KIAA0319L: variants seen among roughly 807,000 people sequenced by gnomAD.
KIAA0319L encodes the protein KIAA0319 like.
A neutral mutation model predicts 120.1 loss-of-function variants in KIAA0319L; 55 were observed. The observed-to-expected ratio is 0.46, with a 90% CI of 0.37 to 0.57. The LOEUF is 0.57. Among genes scored for constraint, KIAA0319L ranks in the 20% least tolerant of loss-of-function variants. The pLI is 0.00. For missense variants in KIAA0319L, 1,049 were observed against 1,255.3 expected (o/e 0.84, Z 2.48); for synonymous variants, 398 against 471.9 (o/e 0.84, Z 2.03).
intron 3 of KIAA0319L, among the ~76,000 whole-genome samples, chr1:35,481,903 C>A (rs1312253506): frequency 7.2e-6 from 1 of 139,518 alleles, no homozygotes; most frequent in Admixed American, 7.8e-5. Context: ...CGGCTCACTG[C>A]AAGCTCCACC....
At chr1:35,464,996 A>C (rs1643156280) in intron 7 of KIAA0319L, among the ~76,000 whole-genome samples, 1 of 152,232 alleles carries the variant, frequency 6.6e-6, no homozygotes, top group Non-Finnish European at 1.5e-5. Flanking sequence ...GTATGTATGG[A>C]AACACCTGGA....
intron 10 of KIAA0319L, 101 bp from the exon 11 acceptor site, chr1:35,454,586 C>T (rs890710069): frequency 6.5e-7 from 1 of 1,530,788 alleles, no homozygotes; most frequent in Non-Finnish European, 8.8e-7. Flanking sequence ...AAACCAAAGA[C>T]CTAAGATGGT....
At chr1:35,472,860 C>T (rs1643709074) in intron 5 of KIAA0319L, among the ~76,000 whole-genome samples, 1 of 150,478 alleles carries the variant, frequency 6.6e-6, no homozygotes, top group Non-Finnish European at 1.5e-5. Context: ...ATAATCTTGG[C>T]TCACTGCAAC....
In KIAA0319L at chr1:35,456,123, G is replaced by A; in HGVS notation, c.1546C>T (p.Pro516Ser). 6.2e-7 allele frequency: 1 copy of A among 1,614,022 alleles called. No individual in the cohort carries two copies. The highest frequency in any genetic ancestry group is 1.7e-5 in the Admixed American group (1 of 60,006). ...CCAAAGAGGGTGATGGAGTTTTGGG[G>A]CAGGGTGATCACTTGGTTGGGGCCT... Reference protein sequence around the residue: ...NAGPNQVITLPQNSITLFGNQ... With the variant: ...NAGPNQVITLSQNSITLFGNQ... The change falls in exon 10 of 21, where the codon CCC becomes TCC. Residue 516 changes from proline (P) to serine (S), a missense_variant. Physicochemically the swap from Pro to Ser is moderately conservative, Grantham distance 74. Coordinates refer to ENST00000325722, the MANE Select transcript of KIAA0319L (RefSeq NM_024874.5).
intron 1 of KIAA0319L, among the ~76,000 whole-genome samples, chr1:35,555,491 G>C (rs924702566): frequency 2.0e-5 from 3 of 152,176 alleles, no homozygotes; most frequent in African/African-American, 4.8e-5. Flanking sequence ...CCAAGAAAAG[G>C]CTTTTGCAGA....
At chr1:35,555,329 T>C (rs1265065902) in intron 1 of KIAA0319L, among the ~76,000 whole-genome samples, 1 of 152,184 alleles carries the variant, frequency 6.6e-6, no homozygotes, top group Non-Finnish European at 1.5e-5. Flanking sequence ...GTCATCTACA[T>C]CCAGCAAACG....
intron 2 of KIAA0319L, among the ~76,000 whole-genome samples, chr1:35,535,096 TAAAA>T (rs56965473): frequency 1.8e-5 from 1 of 56,330 alleles, no homozygotes; most frequent in Non-Finnish European, 4.1e-5. Context: ...GACTCCGTCT[TAAAA>T]AAAAAAAAAA....
intron 5 of KIAA0319L, among the ~76,000 whole-genome samples, chr1:35,472,045 G>A (rs1358661428): frequency 1.3e-5 from 2 of 152,312 alleles, no homozygotes; most frequent in Admixed American, 6.5e-5. Flanking sequence ...TGTACTCAGA[G>A]ACATTTCTTC....
At chr1:35,456,774 G>A (rs538813318) in intron 9 of KIAA0319L, among the ~76,000 whole-genome samples, 293 of 150,888 alleles carry the variant, frequency 1.9e-3, no homozygotes, top group Admixed American at 7.4e-3. Context: ...TTGCACCACT[G>A]CACTCCAGCC....
chr1:35,442,100 C>A (rs940110734), intron 19 of KIAA0319L, 146 bp downstream of exon 19: 2 of 676,620 alleles, frequency 3.0e-6, no homozygotes, highest in East Asian at 2.6e-5. Context: ...CAAAGCTGCC[C>A]GTGCATGCCT....
At chr1:35,511,373 T>C (rs1031879232) in intron 2 of KIAA0319L, 2 of 152,282 alleles carry the variant, frequency 1.3e-5, no homozygotes, top group Admixed American at 1.3e-4. Flanking sequence ...ATCTTATGAA[T>C]GTAATGAATG....
chr1:35,469,914 G>C (rs1402754096), intron 6 of KIAA0319L, among the ~76,000 whole-genome samples: 1 of 151,936 alleles, frequency 6.6e-6, no homozygotes, highest in African/African-American at 2.4e-5. Flanking sequence ...TGTCACCTGG[G>C]CTTTAGGGCA....
In KIAA0319L at chr1:35,468,689, GTTCATCA is replaced by G. The variant is rs371405922; in HGVS notation, c.1114-2001_1114-1995del. On this transcript the variant is annotated intron_variant, in intron 6 of 20. Coordinates refer to ENST00000325722, the MANE Select transcript of KIAA0319L (RefSeq NM_024874.5). ...TTCTCTTCCCCAACATCCCCAACCA[GTTCATCA>G]ATCATCAAATTTTATCAAGTCAAAC... 8.0e-3 allele frequency among the ~76,000 whole-genome samples: 1,223 copies of G among 152,190 alleles called. 6 individuals carry two copies. Among genetic ancestry groups the G allele is most frequent in the Middle Eastern group, 0.027 (8 of 294 alleles).
intron 2 of KIAA0319L, among the ~76,000 whole-genome samples, chr1:35,544,350 C>A: frequency 7.3e-6 from 1 of 136,350 alleles, no homozygotes; most frequent in Non-Finnish European, 1.5e-5. Flanking sequence ...GCCTAGGTGA[C>A]AGACTGAGAC....
chr1:35,490,738 T>C (rs1040004385), intron 3 of KIAA0319L, among the ~76,000 whole-genome samples: 1 of 152,258 alleles, frequency 6.6e-6, no homozygotes, highest in African/African-American at 2.4e-5. Context: ...TTTGGCTCTG[T>C]GTCCCCACCC....
chr1:35,523,667 G>C (rs1350267153), intron 2 of KIAA0319L, among the ~76,000 whole-genome samples: 1 of 152,160 alleles, frequency 6.6e-6, no homozygotes, highest in Non-Finnish European at 1.5e-5. Context: ...CATGAAAGTG[G>C]AGGAGGAATA....
chr1:35,499,446 C>G (rs1644925274), intron 3 of KIAA0319L, among the ~76,000 whole-genome samples: 1 of 152,054 alleles, frequency 6.6e-6, no homozygotes. Flanking sequence ...CAGACTGGCC[C>G]CTCACTAGAC....
intron 2 of KIAA0319L, among the ~76,000 whole-genome samples, chr1:35,535,678 A>ATGT (rs556025719): frequency 6.6e-6 from 1 of 152,122 alleles, no homozygotes; most frequent in African/African-American, 2.4e-5. Flanking sequence ...GCCATTATTT[A>ATGT]TGTTGTTGTT....
chr1:35,500,432 A>C (rs1570843184), intron 3 of KIAA0319L, among the ~76,000 whole-genome samples: 1 of 134,354 alleles, frequency 7.4e-6, no homozygotes, highest in South Asian at 2.5e-4. Context: ...CACCCTCTTT[A>C]AGTTGAGAAA....
Sources: gnomAD v4.1 joint callset for allele counts (sites outside exome capture counted in the v4.1 genomes callset) on GRCh38, gnomAD v4.1.1 for gene constraint, MANE v1.5 for transcripts, NCBI Gene and HGNC (gene_info 2026-07-23, HGNC 2026-07-21) for gene names.